Variants in FAM107A observed in about 807,000 individuals in gnomAD.
FAM107A encodes actin-associated protein FAM107A.
FAM107A carries 19 observed loss-of-function variants against 13.7 expected under a neutral mutation model. That is an observed-to-expected ratio of 1.38 (90% CI 0.97 to 2.03). FAM107A has a LOEUF of 2.03. Among genes scored for constraint, FAM107A ranks in the 30% most tolerant of loss-of-function variants. The probability of loss-of-function intolerance (pLI) is 0.00; values close to 1 mark genes in which losing one functional copy is unlikely to be tolerated. For missense variants in FAM107A, 203 were observed against 184.4 expected, an observed-to-expected ratio of 1.10 and a Z score of -0.58; for synonymous variants, 82 against 74.5, an observed-to-expected ratio of 1.10 and a Z score of -0.52.
intron 1 of FAM107A, among the ~76,000 whole-genome samples, chr3:58,622,770 G>T (rs1559489126): frequency 6.6e-6 from 1 of 152,076 alleles, no homozygotes; most frequent in Non-Finnish European, 1.5e-5. Context: ...CTGGGCAGGA[G>T]GGGGGCTCTG....
upstream of FAM107A, among the ~76,000 whole-genome samples, chr3:58,588,417 G>T (rs937613774): frequency 2.0e-5 from 3 of 152,168 alleles, no homozygotes; most frequent in Non-Finnish European, 2.9e-5. Flanking sequence ...TCTGACTCAG[G>T]GGTCCTGTAC....
intron 1 of FAM107A, among the ~76,000 whole-genome samples, chr3:58,595,461 C>G (rs564300468): frequency 6.6e-6 from 1 of 152,274 alleles, no homozygotes; most frequent in South Asian, 2.1e-4. Context: ...TGACAATACA[C>G]CCTCCCTGCC....
chr3:58,594,843 A>G (rs1305737254), intron 1 of FAM107A, among the ~76,000 whole-genome samples: 2 of 152,346 alleles, frequency 1.3e-5, no homozygotes, highest in East Asian at 1.9e-4. Flanking sequence ...AAACTCAAGG[A>G]TAGAGCCCCA....
At chr3:58,589,075 A>G, upstream of FAM107A, 2 of 646,378 alleles carry the variant, frequency 3.1e-6, no homozygotes, top group Non-Finnish European at 5.5e-6. Flanking sequence ...CTTATGCTGC[A>G]AGGGAGAAAC....
At chr3:58,600,519 T>C (rs2065744748) in intron 1 of FAM107A, among the ~76,000 whole-genome samples, 1 of 152,190 alleles carries the variant, frequency 6.6e-6, no homozygotes, top group Admixed American at 6.5e-5. Context: ...TGAATTTTGC[T>C]CAGCTCCTTC....
At chr3:58,625,625 C>T (rs1051494775) in intron 1 of FAM107A, among the ~76,000 whole-genome samples, 1 of 152,308 alleles carries the variant, frequency 6.6e-6, no homozygotes, top group East Asian at 1.9e-4. Context: ...CCTCCCACAG[C>T]TTATTGAATA....
chr3:58,595,283 T>G (rs2065689196), intron 1 of FAM107A, among the ~76,000 whole-genome samples: 1 of 152,132 alleles, frequency 6.6e-6, no homozygotes, highest in Non-Finnish European at 1.5e-5. Context: ...AGGCCTCTGA[T>G]CCCAAGCTAA....
intron 1 of FAM107A, among the ~76,000 whole-genome samples, chr3:58,597,005 T>C (rs903964709): frequency 2.0e-5 from 3 of 152,208 alleles, no homozygotes; most frequent in Non-Finnish European, 4.4e-5. Flanking sequence ...GATTCATCAG[T>C]GTGGCTGCCT....
At chr3:58,609,859 CCT>C (rs2065836542) in intron 1 of FAM107A, among the ~76,000 whole-genome samples, 1 of 152,218 alleles carries the variant, frequency 6.6e-6, no homozygotes, top group Non-Finnish European at 1.5e-5. Flanking sequence ...CTTCTTGACC[CCT>C]GTCTCCTCCC....
intron 1 of FAM107A, among the ~76,000 whole-genome samples, chr3:58,603,922 G>A (rs1320261730): frequency 3.3e-5 from 5 of 152,154 alleles, no homozygotes; most frequent in Non-Finnish European, 7.3e-5. Flanking sequence ...CTAGTAACTG[G>A]GTTTTGAGCT....
In FAM107A at chr3:58,599,696, A is replaced by ATTTTTTTT. The variant is rs57244654; in HGVS notation, c.-69-10435_-69-10428dup. Reference sequence around the variant, plus strand: ...GTGGTATACTTAAAACAAGTGCACCATTTTTTTTTTTTTTTTTTTTTTTTT... The same window carrying ATTTTTTTT: ...GTGGTATACTTAAAACAAGTGCACCATTTTTTTTTTTTTTTTTTTTTTTTTTTTTTTTT... On this transcript the variant is annotated intron_variant, in intron 1 of 3. Transcript: ENST00000465970. 6.2e-3 allele frequency among the ~76,000 whole-genome samples: 490 copies of ATTTTTTTT among 78,508 alleles called. 114 individuals are homozygous for ATTTTTTTT. The highest frequency in any genetic ancestry group is 9.2e-3 in the Non-Finnish European group (344 of 37,380). The allele number at this position is 78,508 out of a possible 152,430, so 51.5% of individuals were successfully genotyped here.
intron 1 of FAM107A, among the ~76,000 whole-genome samples, chr3:58,599,628 G>A (rs111551053): frequency 0.013 from 1,954 of 149,386 alleles, 37 homozygotes; most frequent in African/African-American, 0.044. Flanking sequence ...CTTGATCTGA[G>A]TGGTGGTTAC....
chr3:58,585,226 C>T (rs1035297587), intron 1 of FAM107A, among the ~76,000 whole-genome samples: 1 of 152,242 alleles, frequency 6.6e-6, no homozygotes, highest in African/African-American at 2.4e-5. Context: ...ATTAGGGAGA[C>T]CCCCTCCGCA....
chr3:58,567,163 C>G, intron 3 of FAM107A, 45 bp downstream of exon 3: 2 of 1,611,540 alleles, frequency 1.2e-6, no homozygotes, highest in South Asian at 2.2e-5. Context: ...CCCTGGAGGA[C>G]AGCCCTGGAG....
upstream of FAM107A, among the ~76,000 whole-genome samples, chr3:58,590,656 C>T (rs78162801): frequency 0.074 from 11,271 of 152,156 alleles, 500 homozygotes; most frequent in Non-Finnish European, 0.097. Flanking sequence ...AGAGAGTGCA[C>T]GCAAGGAAGT....
At chr3:58,602,120 G>C (rs1471377377) in intron 1 of FAM107A, among the ~76,000 whole-genome samples, 2 of 152,118 alleles carry the variant, frequency 1.3e-5, no homozygotes, top group African/African-American at 2.4e-5. Flanking sequence ...GCAGGGAAGG[G>C]GGAAGAGAGA....
At chr3:58,595,188 A>T (rs756452058) in intron 1 of FAM107A, among the ~76,000 whole-genome samples, 1 of 151,184 alleles carries the variant, frequency 6.6e-6, no homozygotes. Flanking sequence ...ATCTCTCCAT[A>T]CCACCCCCAA....
At chr3:58,609,985 C>T (rs1025079886) in intron 1 of FAM107A, among the ~76,000 whole-genome samples, 1 of 152,226 alleles carries the variant, frequency 6.6e-6, no homozygotes, top group African/African-American at 2.4e-5. Flanking sequence ...GTGCACATTA[C>T]TGACAAGATG....
intron 1 of FAM107A, among the ~76,000 whole-genome samples, chr3:58,622,788 TG>T (rs948189009): frequency 6.6e-6 from 1 of 151,942 alleles, no homozygotes; most frequent in African/African-American, 2.4e-5. Flanking sequence ...CTGCCTTTGT[TG>T]GGGGGGATAT....
Sources: allele counts gnomAD v4.1 joint callset (sites outside exome capture counted in the v4.1 genomes callset), GRCh38; gene constraint gnomAD v4.1.1; transcripts MANE v1.5; gene names NCBI Gene and HGNC (gene_info 2026-07-23, HGNC 2026-07-21).